NXPE2: variants seen among roughly 807,000 people sequenced by gnomAD.
NXPE2 encodes the protein neurexophilin and PC-esterase domain family member 2.
In NXPE2, 34 loss-of-function variants were observed where a neutral mutation model predicts 34.4. That is an observed-to-expected ratio of 0.99 (90% CI 0.75 to 1.31). The LOEUF (loss-of-function observed/expected upper bound fraction) is 1.31. Ranked by LOEUF, NXPE2 falls within the 40% of genes most tolerant of loss-of-function variation. The pLI is 0.00. For synonymous variants in NXPE2, 235 were observed against 231.3 expected (o/e 1.02, Z -0.15); for missense variants, 649 against 672.5 (o/e 0.97, Z 0.39).
the NXPE2 span, among the ~76,000 whole-genome samples, chr11:114,663,450 G>C: frequency 6.6e-6 from 1 of 152,086 alleles, no homozygotes; most frequent in Non-Finnish European, 1.5e-5. Flanking sequence ...GGTTGTCTTA[G>C]AAGGACATGG....
the NXPE2 span, chr11:114,594,608 T>G: frequency 2.7e-6 from 3 of 1,113,868 alleles, no homozygotes; most frequent in Non-Finnish European, 4.1e-6. Flanking sequence ...CTAGAACAGA[T>G]GAGGTAATAA....
chr11:114,480,537 A>C, the NXPE2 span, among the ~76,000 whole-genome samples: 1 of 152,204 alleles, frequency 6.6e-6, no homozygotes, highest in Non-Finnish European at 1.5e-5. Flanking sequence ...CAAAGTTGAA[A>C]AATGGAGAGC....
chr11:114,738,421 C>G, the NXPE2 span, among the ~76,000 whole-genome samples: 1 of 152,124 alleles, frequency 6.6e-6, no homozygotes, highest in Non-Finnish European at 1.5e-5. Flanking sequence ...AAATTGCTCT[C>G]CACTCTCTTT....
chr11:114,641,994 A>G, the NXPE2 span, among the ~76,000 whole-genome samples: 3 of 152,104 alleles, frequency 2.0e-5, no homozygotes, highest in African/African-American at 7.2e-5. Flanking sequence ...ATGAGAAGAT[A>G]AATTTTAAAA....
the NXPE2 span, among the ~76,000 whole-genome samples, chr11:114,752,916 G>A: frequency 0.26 from 38,790 of 152,074 alleles, 5,751 homozygotes; most frequent in South Asian, 0.39. Context: ...GAAGACCAAG[G>A]AAGACAAAAG....
chr11:114,558,185 C>T, the NXPE2 span, among the ~76,000 whole-genome samples: 35 of 152,168 alleles, frequency 2.3e-4, no homozygotes, highest in African/African-American at 6.3e-4. Context: ...ACTATACACA[C>T]ATCTATGTAT....
chr11:114,506,112 TAAAA>T, the NXPE2 span, among the ~76,000 whole-genome samples: 82 of 134,458 alleles, frequency 6.1e-4, no homozygotes, highest in East Asian at 4.0e-3. Flanking sequence ...CAAGAAATAT[TAAAA>T]AAAAAAAAAA....
the NXPE2 span, among the ~76,000 whole-genome samples, chr11:114,746,667 C>T: frequency 0.21 from 31,131 of 151,846 alleles, 3,727 homozygotes; most frequent in East Asian, 0.37. Context: ...CTGGCTAACA[C>T]GGTGAAACCC....
chr11:114,725,838 C>T, the NXPE2 span, among the ~76,000 whole-genome samples: 5 of 151,514 alleles, frequency 3.3e-5, no homozygotes, highest in South Asian at 2.1e-4. Flanking sequence ...ATTGTGTCTC[C>T]CCTGACACAG....
At chr11:114,799,483 G>C in the NXPE2 span, among the ~76,000 whole-genome samples, 1 of 152,198 alleles carries the variant, frequency 6.6e-6, no homozygotes, top group Non-Finnish European at 1.5e-5. Context: ...GTGATGAAGT[G>C]TGACCATTAT....
chr11:114,584,326 T>C, the NXPE2 span: 2 of 489,534 alleles, frequency 4.1e-6, no homozygotes, highest in Non-Finnish European at 8.3e-6. Context: ...CACTAATGAG[T>C]ACCTGGAGAA....
At chr11:114,791,001 A>C in the NXPE2 span, among the ~76,000 whole-genome samples, 1 of 151,620 alleles carries the variant, frequency 6.6e-6, no homozygotes, top group Admixed American at 6.6e-5. Context: ...CGTATCTCCA[A>C]GGGGAAGGCA....
chr11:114,762,957 T>G, the NXPE2 span, among the ~76,000 whole-genome samples: 5 of 152,016 alleles, frequency 3.3e-5, no homozygotes, highest in Admixed American at 6.6e-5. Context: ...TAGGACAACG[T>G]CATGGCTCTG....
chr11:114,531,494 G>C, the NXPE2 span, among the ~76,000 whole-genome samples: 6 of 152,244 alleles, frequency 3.9e-5, no homozygotes, highest in South Asian at 1.2e-3. Flanking sequence ...CTCTTCTGTT[G>C]CTAAACCAGT....
rs1565392669 is a variant in NXPE2, at chr11:114,706,376, T to C, written c.1145-19T>C. On this transcript the variant is annotated intron_variant, in intron 5 of 5. Transcript: ENST00000389586. ...CATTTTCCTTTTGTTAAAATATTTA[T>C]TGATTTGTCTTTCATCAGCCCTAAA... is the stretch of plus-strand genomic sequence containing the variant. 1 of 1,493,070 alleles carries C rather than the reference T, an allele frequency of 6.7e-7. No individual in the cohort carries two copies. The highest frequency in any genetic ancestry group is 8.9e-7 in the Non-Finnish European group (1 of 1,121,514). The allele number at this position is 1,493,070 out of a possible 1,614,324, so 92.5% of individuals were successfully genotyped here.
At chr11:114,684,375 C>T (rs534123433) in intron 2 of NXPE2, among the ~76,000 whole-genome samples, 4 of 150,634 alleles carry the variant, frequency 2.7e-5, no homozygotes, top group South Asian at 2.1e-4. Context: ...TGCAGTGAGC[C>T]GAGATCACAC....
the NXPE2 span, among the ~76,000 whole-genome samples, chr11:114,477,056 C>G: frequency 6.6e-6 from 1 of 152,054 alleles, no homozygotes; most frequent in African/African-American, 2.4e-5. Context: ...TAGAAATGAC[C>G]AAAATGTCCT....
the NXPE2 span, among the ~76,000 whole-genome samples, chr11:114,612,556 A>G: frequency 0.056 from 8,435 of 150,994 alleles, 299 homozygotes; most frequent in Middle Eastern, 0.1. Flanking sequence ...GTGTTGCCTC[A>G]TGGGTAACCA....
At chr11:114,594,919 G>T in the NXPE2 span, 1 of 556,232 alleles carries the variant, frequency 1.8e-6, no homozygotes, top group Non-Finnish European at 3.2e-6. Flanking sequence ...ACCCCCGCAA[G>T]CTGTACTTGG....
Sources: gnomAD v4.1 joint callset for allele counts (sites outside exome capture counted in the v4.1 genomes callset) on GRCh38, gnomAD v4.1.1 for gene constraint, MANE v1.5 for transcripts, NCBI Gene and HGNC (gene_info 2026-07-23, HGNC 2026-07-21) for gene names.